Variants in WDR37 observed in about 807,000 individuals in gnomAD.
The protein encoded by WDR37 is WD repeat-containing protein 37.
WDR37 carries 19 observed loss-of-function variants against 62.9 expected under a neutral mutation model. The ratio of observed to expected loss-of-function variants is 0.30; its 90% confidence interval spans 0.21 to 0.44. The LOEUF is 0.44. Among genes scored for constraint, WDR37 ranks in the 20% least tolerant of loss-of-function variants. WDR37 has a pLI of 1.00. For synonymous variants in WDR37, 250 were observed against 260.9 expected (o/e 0.96, Z 0.40); for missense variants, 474 against 657.6 (o/e 0.72, Z 3.05).
intron 7 of WDR37, among the ~76,000 whole-genome samples, chr10:1,088,756 G>A (rs1187208612): frequency 6.6e-6 from 1 of 151,938 alleles, no homozygotes; most frequent in Non-Finnish European, 1.5e-5. Context: ...TCACAGAGAC[G>A]TGAAGTGAAC....
intron 12 of WDR37, 110 bp from the exon 13 acceptor site, chr10:1,124,800 T>C: frequency 2.9e-6 from 4 of 1,387,758 alleles, no homozygotes; most frequent in Non-Finnish European, 3.9e-6. Flanking sequence ...GTTCATGTAG[T>C]CGGCCTTGAA....
chr10:1,084,656 G>T (rs1056095192), intron 6 of WDR37, 118 bp downstream of exon 6: 7 of 1,429,904 alleles, frequency 4.9e-6, no homozygotes, highest in Non-Finnish European at 6.6e-6. Context: ...TCATGGAGGA[G>T]TCAGTGGAAC....
chr10:1,085,518 T>C (rs1834171782), intron 6 of WDR37, among the ~76,000 whole-genome samples: 4 of 152,226 alleles, frequency 2.6e-5, no homozygotes, highest in South Asian at 2.1e-4. Flanking sequence ...ATGAAAGCTA[T>C]CTAAGGTGGC....
At chr10:1,096,842 A>G (rs558877122) in intron 9 of WDR37, among the ~76,000 whole-genome samples, 8 of 152,178 alleles carry the variant, frequency 5.3e-5, no homozygotes, top group African/African-American at 1.4e-4. Flanking sequence ...ACGGACATCA[A>G]TGGGGACTCG....
intron 11 of WDR37, among the ~76,000 whole-genome samples, chr10:1,120,115 C>G (rs532986413): frequency 1.3e-5 from 2 of 152,340 alleles, no homozygotes; most frequent in East Asian, 3.9e-4. Flanking sequence ...GTTTCTTGGT[C>G]AGTCCTCTGA....
chr10:1,080,546 T>C, intron 5 of WDR37, 70 bp downstream of exon 5: 2 of 1,531,282 alleles, frequency 1.3e-6, no homozygotes, highest in Non-Finnish European at 1.8e-6. Flanking sequence ...TTTAAGTTGT[T>C]TATTTTCCAA....
Position 1,124,964 on chromosome 10 carries a change from A to G in WDR37, c.1293A>G (p.Gln431=). Residue 431 remains glutamine, a synonymous_variant, in exon 13 of 14, where the codon CAA becomes CAG. Transcript: ENST00000263150. The part of the protein sequence containing the change: ...KIIALPHDNR[Q]VRLFDMSGVR... ...TAGCCCTCCCCCATGACAACCGACAAGTGAGACTGTTTGATATGTCAGGAG... is the reference window on the plus strand; with the variant it reads ...TAGCCCTCCCCCATGACAACCGACAGGTGAGACTGTTTGATATGTCAGGAG... 6.2e-7 allele frequency: 1 copy of G among 1,614,224 alleles called. No individual in the cohort carries two copies. The highest frequency in any genetic ancestry group is 1.1e-5 in the South Asian group (1 of 91,084).
intron 11 of WDR37, among the ~76,000 whole-genome samples, chr10:1,119,226 C>T (rs141321306): frequency 0.012 from 1,807 of 152,274 alleles, 17 homozygotes; most frequent in Middle Eastern, 0.031. Context: ...GATCAGTACA[C>T]GAGACAGAGC....
At chr10:1,120,747 C>A (rs5014941) in intron 11 of WDR37, among the ~76,000 whole-genome samples, 1 of 152,050 alleles carries the variant, frequency 6.6e-6, no homozygotes, top group Non-Finnish European at 1.5e-5. Flanking sequence ...GATGTCGTGC[C>A]GGAAAAGCAC....
At chr10:1,057,936 A>G (rs1833246533) in intron 1 of WDR37, among the ~76,000 whole-genome samples, 1 of 152,236 alleles carries the variant, frequency 6.6e-6, no homozygotes, top group Admixed American at 6.5e-5. Flanking sequence ...AAAGCTCAAG[A>G]TAGTTATATC....
chr10:1,111,142 A>G (rs532809756), intron 11 of WDR37, among the ~76,000 whole-genome samples: 7 of 152,248 alleles, frequency 4.6e-5, no homozygotes, highest in Non-Finnish European at 8.8e-5. Flanking sequence ...CACATAATTT[A>G]TATTAACATG....
chr10:1,116,520 C>T (rs1835407937), intron 11 of WDR37, among the ~76,000 whole-genome samples: 1 of 152,192 alleles, frequency 6.6e-6, no homozygotes, highest in Non-Finnish European at 1.5e-5. Flanking sequence ...ATCCATGTTG[C>T]TGCATAAATT....
chr10:1,080,340 C>A, intron 4 of WDR37, 72 bp from the exon 5 acceptor site: 1 of 1,583,116 alleles, frequency 6.3e-7, no homozygotes, highest in Non-Finnish European at 8.7e-7. Context: ...GTGCAAGACA[C>A]AAGACCCATT....
chr10:1,093,731 C>A (rs769557706), intron 8 of WDR37, among the ~76,000 whole-genome samples: 3 of 152,216 alleles, frequency 2.0e-5, no homozygotes, highest in Non-Finnish European at 2.9e-5. Context: ...GCTTCACGGT[C>A]TTCTCGAAGC....
chr10:1,063,617 C>A (rs1833442571), intron 1 of WDR37, among the ~76,000 whole-genome samples: 1 of 152,144 alleles, frequency 6.6e-6, no homozygotes, highest in African/African-American at 2.4e-5. Flanking sequence ...CAGAGCACAG[C>A]CTCCTTTCTG....
rs149806033 is a variant in WDR37 at position 1,092,302 on chromosome 10, G to T, written c.605-1150G>T. On this transcript the variant is annotated intron_variant, in intron 7 of 13. Transcript: ENST00000263150. ...TAGGCAGGAGTTTGAGACCAGCCTG[G>T]ACGACATGGCAAGACCCGGTCTCTA... Among the ~76,000 whole-genome samples the T allele has an allele frequency of 1.8e-3, 279 of 152,246 alleles. 4 individuals carry two copies. Among genetic ancestry groups the T allele is most frequent in the African/African-American group, 6.5e-3 (270 of 41,554 alleles).
intron 13 of WDR37, among the ~76,000 whole-genome samples, chr10:1,126,684 G>A (rs1183412704): frequency 6.6e-6 from 1 of 152,220 alleles, no homozygotes; most frequent in Non-Finnish European, 1.5e-5. Flanking sequence ...GCTCTGCACG[G>A]GGTGTGAGCC....
chr10:1,067,355 A>G (rs1350650909), intron 1 of WDR37, among the ~76,000 whole-genome samples: 3 of 152,242 alleles, frequency 2.0e-5, no homozygotes, highest in Non-Finnish European at 4.4e-5. Flanking sequence ...CAGGAGAAAC[A>G]GGAGAAAATG....
intron 11 of WDR37, among the ~76,000 whole-genome samples, chr10:1,118,996 A>G (rs1012277840): frequency 6.6e-6 from 1 of 152,250 alleles, no homozygotes; most frequent in Admixed American, 6.5e-5. Context: ...GATAACGTAG[A>G]AATGAAAATG....
Sources: allele counts gnomAD v4.1 joint callset (sites outside exome capture counted in the v4.1 genomes callset), GRCh38; gene constraint gnomAD v4.1.1; transcripts MANE v1.5; gene names NCBI Gene and HGNC (gene_info 2026-07-23, HGNC 2026-07-21).